COLEC11: variants seen among roughly 807,000 people sequenced by gnomAD.
COLEC11 encodes collectin subfamily member 11, also known as collectin-11.
Under a neutral mutation model 27.3 loss-of-function variants are expected in COLEC11, and 20 were observed. The observed-to-expected ratio is 0.73, with a 90% CI of 0.51 to 1.06. COLEC11 has a LOEUF of 1.06. COLEC11 is among the 50% of genes least tolerant of loss of function. The pLI, the probability that COLEC11 is intolerant of heterozygous loss-of-function variation, is 0.00. For missense variants in COLEC11, 310 were observed against 383.0 expected (o/e 0.81, Z 1.59); for synonymous variants, 163 against 154.7 (o/e 1.05, Z -0.40).
At chr2:3,609,535 A>ATT (rs61193398) in intron 2 of COLEC11, among the ~76,000 whole-genome samples, 20,243 of 146,688 alleles carry the variant, frequency 0.14, 2,252 homozygotes, top group African/African-American at 0.31. Flanking sequence ...ACATCCTGCT[A>ATT]TTTTTTTTTT....
chr2:3,636,183 C>T (rs550599303), intron 3 of COLEC11, among the ~76,000 whole-genome samples: 8 of 152,062 alleles, frequency 5.3e-5, no homozygotes, highest in African/African-American at 1.7e-4. Flanking sequence ...CACCGCCGGG[C>T]GCAGTGGCTC....
In COLEC11 at chr2:3,644,052, C is replaced by T. The variant is rs1255817914; in HGVS notation, c.750C>T (p.Gly250=). Residue 250 remains glycine, a synonymous_variant, in exon 7 of 7, where the codon GGC becomes GGT. Coordinates refer to ENST00000349077, the MANE Select transcript of COLEC11 (RefSeq NM_024027.5). ...EDCVEMVASG[G]WNDVACHTTM... ...GCGTGGAGATGGTGGCCTCGGGCGG[C>T]TGGAACGACGTGGCCTGCCACACCA... The T allele has an allele frequency of 2.4e-5, 39 of 1,613,576 alleles. No individual in the cohort carries two copies. The highest frequency in any genetic ancestry group is 8.3e-5 in the Admixed American group (5 of 60,014).
At chr2:3,627,114 G>A (rs565026308) in intron 3 of COLEC11, among the ~76,000 whole-genome samples, 2 of 152,266 alleles carry the variant, frequency 1.3e-5, no homozygotes, top group East Asian at 1.9e-4. Flanking sequence ...TGGCTTCCAT[G>A]GCATTATGCT....
At chr2:3,603,061 G>A (rs1236094280) in intron 1 of COLEC11, among the ~76,000 whole-genome samples, 9 of 152,340 alleles carry the variant, frequency 5.9e-5, no homozygotes, top group Admixed American at 2.6e-4. Flanking sequence ...TTAACCAAAC[G>A]AAAGGCTGCC....
At chr2:3,601,301 A>C (rs990719151) in intron 1 of COLEC11, among the ~76,000 whole-genome samples, 2 of 151,798 alleles carry the variant, frequency 1.3e-5, no homozygotes, top group Non-Finnish European at 2.9e-5. Flanking sequence ...ATTTTTCTTT[A>C]TTATTATTAT....
At chr2:3,637,170 G>C (rs1321991531) in intron 3 of COLEC11, among the ~76,000 whole-genome samples, 1 of 152,186 alleles carries the variant, frequency 6.6e-6, no homozygotes, top group Non-Finnish European at 1.5e-5. Context: ...GCAGGAGTAG[G>C]AGCTGGGAGG....
At chr2:3,627,415 CACAACGA>C in intron 3 of COLEC11, among the ~76,000 whole-genome samples, 1 of 142,098 alleles carries the variant, frequency 7.0e-6, no homozygotes, top group African/African-American at 2.7e-5. Flanking sequence ...CGACGATGGG[CACAACGA>C]TGAGCATGAT....
chr2:3,634,474 A>G (rs1301449758), intron 3 of COLEC11, among the ~76,000 whole-genome samples: 1 of 152,146 alleles, frequency 6.6e-6, no homozygotes, highest in Non-Finnish European at 1.5e-5. Context: ...TCCTGCAGCA[A>G]AGCAGGGCCC....
chr2:3,606,916 C>T (rs995460058), intron 2 of COLEC11, among the ~76,000 whole-genome samples: 6 of 152,232 alleles, frequency 3.9e-5, no homozygotes, highest in Admixed American at 2.6e-4. Flanking sequence ...GAAACAGACA[C>T]ACACGCAGTC....
intron 1 of COLEC11, among the ~76,000 whole-genome samples, chr2:3,603,120 G>A (rs1662358116): frequency 6.6e-6 from 1 of 152,158 alleles, no homozygotes; most frequent in South Asian, 2.1e-4. Flanking sequence ...TGCTCCTGTG[G>A]CTTCCATGCT....
At chr2:3,613,980 CT>C (rs57071680) in intron 3 of COLEC11, among the ~76,000 whole-genome samples, 26 of 131,104 alleles carry the variant, frequency 2.0e-4, no homozygotes, top group Non-Finnish European at 2.4e-4. Flanking sequence ...TTCTTTCTTT[CT>C]TTTTTTTTTT....
At chr2:3,624,938 G>C (rs1664427317) in intron 3 of COLEC11, among the ~76,000 whole-genome samples, 1 of 152,176 alleles carries the variant, frequency 6.6e-6, no homozygotes, top group African/African-American at 2.4e-5. Context: ...CATCCTGCGA[G>C]TAAGTGGTTC....
At chr2:3,607,451 T>TTTTTTTC (rs1558490472) in intron 2 of COLEC11, among the ~76,000 whole-genome samples, 2 of 135,752 alleles carry the variant, frequency 1.5e-5, no homozygotes, top group South Asian at 2.7e-4. Flanking sequence ...TTTTTTTGCT[T>TTTTTTTC]TTTTTTTTTT....
intron 3 of COLEC11, among the ~76,000 whole-genome samples, chr2:3,625,625 C>CTTTTTTTT (rs60222284): frequency 0.085 from 7,796 of 91,234 alleles, 1,533 homozygotes; most frequent in African/African-American, 0.26. Flanking sequence ...TTCTTTTTTA[C>CTTTTTTTT]TTTTTTTTTT....
intron 3 of COLEC11, among the ~76,000 whole-genome samples, chr2:3,630,242 C>CGTATGTGTAT (rs1401609050): frequency 6.6e-6 from 1 of 151,852 alleles, no homozygotes; most frequent in Non-Finnish European, 1.5e-5. Flanking sequence ...CAGGGTAGTA[C>CGTATGTGTAT]GTATGTGTAT....
At chr2:3,617,705 G>A (rs1663873896) in intron 3 of COLEC11, 2 of 1,592,540 alleles carry the variant, frequency 1.3e-6, no homozygotes, top group Non-Finnish European at 1.7e-6. Flanking sequence ...AAAGCGGAGC[G>A]AGGCGTGCGA....
Position 3,644,066 on chromosome 2 carries a change from C to A in COLEC11, c.764C>A (p.Ala255Asp). The change falls in exon 7 of 7, where the codon GCC becomes GAC. Residue 255 changes from alanine to aspartate, a missense_variant. Ala to Asp is a moderately radical substitution (Grantham distance 126). Coordinates refer to ENST00000349077, the MANE Select transcript of COLEC11 (RefSeq NM_024027.5). ...MVASGGWNDVACHTTMYFMCE... is the reference protein window; with the variant it reads ...MVASGGWNDVDCHTTMYFMCE... Reference sequence around the variant, plus strand: ...GCCTCGGGCGGCTGGAACGACGTGGCCTGCCACACCACCATGTACTTCATG... The same window carrying A: ...GCCTCGGGCGGCTGGAACGACGTGGACTGCCACACCACCATGTACTTCATG... The A allele has an allele frequency of 6.2e-7, 1 of 1,613,678 alleles. No homozygotes were observed. The highest frequency in any genetic ancestry group is 8.5e-7 in the Non-Finnish European group (1 of 1,180,050).
intron 3 of COLEC11, among the ~76,000 whole-genome samples, chr2:3,623,899 C>G (rs899051067): frequency 2.0e-5 from 3 of 152,174 alleles, no homozygotes; most frequent in Non-Finnish European, 4.4e-5. Context: ...TGAAGTCTTG[C>G]ATTGCTGTTT....
At chr2:3,600,234 CAA>C (rs35252259) in intron 1 of COLEC11, among the ~76,000 whole-genome samples, 21 of 80,604 alleles carry the variant, frequency 2.6e-4, no homozygotes, top group East Asian at 5.3e-4. Context: ...GACTCTGTCT[CAA>C]AAAAAAAAAA....
Sources: gnomAD v4.1 joint callset for allele counts (sites outside exome capture counted in the v4.1 genomes callset) on GRCh38, gnomAD v4.1.1 for gene constraint, MANE v1.5 for transcripts, NCBI Gene and HGNC (gene_info 2026-07-23, HGNC 2026-07-21) for gene names.